Variants in GRIK2 observed in about 807,000 individuals in gnomAD.
GRIK2 encodes the protein glutamate ionotropic receptor kainate type subunit 2.
A neutral mutation model predicts 100.3 loss-of-function variants in GRIK2; 32 were observed. The ratio of observed to expected loss-of-function variants is 0.32; its 90% confidence interval spans 0.24 to 0.43. The LOEUF (loss-of-function observed/expected upper bound fraction) is 0.43, where lower values mean the gene tolerates loss of function less well. GRIK2 is among the 20% of genes least tolerant of loss of function. The pLI is 1.00. For synonymous variants in GRIK2, 417 were observed against 389.4 expected (o/e 1.07, Z -0.83); for missense variants, 843 against 1,114.9 (o/e 0.76, Z 3.47).
chr6:101,946,845 T>C (rs1410517518), intron 14 of GRIK2, among the ~76,000 whole-genome samples: 1 of 152,114 alleles, frequency 6.6e-6, no homozygotes, highest in Non-Finnish European at 1.5e-5. Context: ...ACAAACTTTT[T>C]GATATCTTCA....
At chr6:101,489,198 G>A (rs936221004) in intron 2 of GRIK2, among the ~76,000 whole-genome samples, 1 of 146,032 alleles carries the variant, frequency 6.8e-6, no homozygotes, top group African/African-American at 2.6e-5. Context: ...TGAACAAGGA[G>A]ATGATACACA....
chr6:101,980,010 G>C (rs1277584881), intron 14 of GRIK2, among the ~76,000 whole-genome samples: 1 of 151,950 alleles, frequency 6.6e-6, no homozygotes, highest in Non-Finnish European at 1.5e-5. Flanking sequence ...GCTTAGATTT[G>C]CTTCAGTTGT....
rs897998726 is a variant in GRIK2 at position 101,730,788 on chromosome 6, T to G, written c.951+44435T>G. 6.6e-5 allele frequency among the ~76,000 whole-genome samples: 10 copies of G among 151,240 alleles called. 2 individuals are homozygous for G. The South Asian group carries it at 1.7e-3, about 25-fold the overall frequency. On this transcript the variant is annotated intron_variant, in intron 7 of 16. Coordinates refer to ENST00000369134, the MANE Select transcript of GRIK2 (RefSeq NM_021956.5). ...GAACTTCAAGAAGAGAGAAACATAC[T>G]TCACAGCTGGGCAAGATTCAGATTT...
At chr6:101,533,752 A>G (rs1440207310) in intron 2 of GRIK2, among the ~76,000 whole-genome samples, 1 of 151,920 alleles carries the variant, frequency 6.6e-6, no homozygotes, top group African/African-American at 2.4e-5. Flanking sequence ...TAGGTACAAG[A>G]GTTCAGTGAT....
At chr6:101,706,987 T>C (rs1012967665) in intron 7 of GRIK2, among the ~76,000 whole-genome samples, 1 of 151,914 alleles carries the variant, frequency 6.6e-6, no homozygotes, top group Non-Finnish European at 1.5e-5. Flanking sequence ...ATGGATTTTC[T>C]TTCTTAATTT....
rs142699504 is a variant in GRIK2, at chr6:101,764,622, T to C, written c.952-35026T>C. The stretch of plus-strand genomic sequence containing the variant: ...CAAACACTAATAAACCTGGGAGTTA[T>C]TGTAGCCTCCCTTCTCTTCATTATC... On this transcript the variant is annotated intron_variant, in intron 7 of 16. Transcript: ENST00000369134. 4.0e-3 allele frequency among the ~76,000 whole-genome samples: 606 copies of C among 152,280 alleles called. 6 individuals carry two copies. The highest frequency in any genetic ancestry group is 0.013 in the African/African-American group (537 of 41,566).
chr6:101,461,498 C>T (rs945800690), intron 2 of GRIK2, among the ~76,000 whole-genome samples: 1 of 152,152 alleles, frequency 6.6e-6, no homozygotes, highest in Non-Finnish European at 1.5e-5. Context: ...CCAATAGTGG[C>T]CAGTCTAGTT....
chr6:102,031,122 CACACA>C, intron 14 of GRIK2, among the ~76,000 whole-genome samples: 14 of 112,222 alleles, frequency 1.2e-4, no homozygotes, highest in African/African-American at 2.9e-4. Context: ...CACACACACA[CACACA>C]CCCCCTTTGA....
intron 2 of GRIK2, among the ~76,000 whole-genome samples, chr6:101,538,170 A>G (rs1329939477): frequency 6.6e-6 from 1 of 151,712 alleles, no homozygotes; most frequent in Non-Finnish European, 1.5e-5. Context: ...CAGGACTAGA[A>G]CTGTCTCAAG....
At chr6:102,034,942 T>C (rs1770186028) in intron 14 of GRIK2, among the ~76,000 whole-genome samples, 1 of 151,308 alleles carries the variant, frequency 6.6e-6, no homozygotes, top group Non-Finnish European at 1.5e-5. Context: ...GAGTGCAGTA[T>C]TTCTCTCTTC....
At chr6:101,984,437 C>A (rs1016981526) in intron 14 of GRIK2, among the ~76,000 whole-genome samples, 3 of 151,458 alleles carry the variant, frequency 2.0e-5, no homozygotes, top group African/African-American at 7.3e-5. Flanking sequence ...TATTAGCATC[C>A]CCGTTGACTG....
At chr6:101,580,327 C>T (rs1460137120) in intron 2 of GRIK2, among the ~76,000 whole-genome samples, 1 of 152,158 alleles carries the variant, frequency 6.6e-6, no homozygotes, top group African/African-American at 2.4e-5. Context: ...AACCTCCCAA[C>T]TGTACAGGCC....
chr6:101,824,175 A>G (rs1019257963), intron 10 of GRIK2, among the ~76,000 whole-genome samples: 3 of 151,988 alleles, frequency 2.0e-5, no homozygotes, highest in Admixed American at 2.0e-4. Flanking sequence ...GTGAGCCACC[A>G]TGCCCGGCCA....
intron 11 of GRIK2, among the ~76,000 whole-genome samples, chr6:101,860,446 A>G (rs1332081893): frequency 6.6e-6 from 1 of 152,204 alleles, no homozygotes; most frequent in Non-Finnish European, 1.5e-5. Flanking sequence ...CTTGTGCATG[A>G]ACATGAACAT....
At position 101,399,295 on chromosome 6, in the gene GRIK2, G is replaced by T. The variant is rs776282459; in HGVS notation, c.18G>T (p.Pro6=). Residue 6 remains proline (P), a synonymous_variant, in exon 2 of 17, where the codon CCG becomes CCT. Coordinates refer to ENST00000369134, the MANE Select transcript of GRIK2 (RefSeq NM_021956.5). MKIIF[P]ILSNPVFRRT... Reference sequence around the variant, plus strand: ...GAAACACCATGAAGATTATTTTCCCGATTCTAAGTAATCCAGTCTTCAGGC... The same window carrying T: ...GAAACACCATGAAGATTATTTTCCCTATTCTAAGTAATCCAGTCTTCAGGC... 2 of 1,559,240 alleles carry T rather than the reference G, an allele frequency of 1.3e-6. No homozygotes were observed. Among genetic ancestry groups the T allele is most frequent in the African/African-American group, 1.4e-5 (1 of 73,838 alleles).
intron 7 of GRIK2, among the ~76,000 whole-genome samples, chr6:101,733,708 CTTTTTTTTTTT>C (rs34438783): frequency 1.1e-4 from 9 of 83,938 alleles, no homozygotes; most frequent in African/African-American, 2.1e-4. Context: ...ATTCCTCTTT[CTTTTTTTTTTT>C]TTTTTTTTTT....
intron 2 of GRIK2, among the ~76,000 whole-genome samples, chr6:101,504,097 G>A (rs1562185752): frequency 6.6e-6 from 1 of 152,060 alleles, no homozygotes; most frequent in Non-Finnish European, 1.5e-5. Context: ...TGTATAAAGT[G>A]GAAAATGGGT....
intron 7 of GRIK2, among the ~76,000 whole-genome samples, chr6:101,689,761 A>C (rs1771957657): frequency 6.6e-6 from 1 of 152,058 alleles, no homozygotes; most frequent in Non-Finnish European, 1.5e-5. Context: ...ACTTTTCTCC[A>C]TTCCCACACA....
At chr6:101,973,074 C>G (rs1406868123) in intron 14 of GRIK2, among the ~76,000 whole-genome samples, 1 of 151,782 alleles carries the variant, frequency 6.6e-6, no homozygotes, top group Admixed American at 6.6e-5. Flanking sequence ...GGGACTAACT[C>G]TCTGCCCAGA....
Sources: gnomAD v4.1 joint callset for allele counts (sites outside exome capture counted in the v4.1 genomes callset) on GRCh38, gnomAD v4.1.1 for gene constraint, MANE v1.5 for transcripts, NCBI Gene and HGNC (gene_info 2026-07-23, HGNC 2026-07-21) for gene names.